Variants in CRPPA observed in about 807,000 individuals in gnomAD.
The protein encoded by CRPPA is D-ribitol-5-phosphate cytidylyltransferase.
CRPPA carries 43 observed loss-of-function variants against 52.0 expected under a neutral mutation model. The ratio of observed to expected loss-of-function variants is 0.83; its 90% CI spans 0.65 to 1.07. The LOEUF is 1.07. Ranked by LOEUF, CRPPA falls within the 50% of genes least tolerant of loss-of-function variation. The pLI is 0.00. For missense variants in CRPPA, 629 were observed against 551.7 expected (o/e 1.14, Z -1.40); for synonymous variants, 250 against 203.5 (o/e 1.23, Z -1.94).
intron 3 of CRPPA, among the ~76,000 whole-genome samples, chr7:16,330,234 A>C (rs375072004): frequency 6.6e-6 from 1 of 152,364 alleles, no homozygotes; most frequent in East Asian, 1.9e-4. Flanking sequence ...TGAACACTTC[A>C]TTGTTATCCA....
At chr7:16,283,075 G>T (rs532797801) in intron 5 of CRPPA, among the ~76,000 whole-genome samples, 1 of 152,032 alleles carries the variant, frequency 6.6e-6, no homozygotes, top group South Asian at 2.1e-4. Context: ...GTCCAAAAGT[G>T]ATTCTGATGT....
At chr7:16,135,232 G>A (rs1339348466) in intron 9 of CRPPA, among the ~76,000 whole-genome samples, 1 of 152,146 alleles carries the variant, frequency 6.6e-6, no homozygotes, top group Non-Finnish European at 1.5e-5. Flanking sequence ...AAAATGCATA[G>A]CCAGAAGGTT....
chr7:16,401,391 G>T (rs1188449600), intron 2 of CRPPA, among the ~76,000 whole-genome samples: 1 of 152,184 alleles, frequency 6.6e-6, no homozygotes, highest in African/African-American at 2.4e-5. Context: ...GGAAAAATTA[G>T]CCAGACTGCT....
At chr7:16,361,312 A>C (rs529835401) in intron 3 of CRPPA, among the ~76,000 whole-genome samples, 1 of 152,318 alleles carries the variant, frequency 6.6e-6, no homozygotes, top group Non-Finnish European at 1.5e-5. Context: ...AAATCCTCAA[A>C]CAATTCAAAG....
chr7:16,240,566 T>TACACAAAC, intron 8 of CRPPA, among the ~76,000 whole-genome samples: 1 of 80,228 alleles, frequency 1.2e-5, no homozygotes, highest in East Asian at 3.3e-4. Flanking sequence ...CATTGGTTAT[T>TACACAAAC]ACACATACAC....
At chr7:16,342,356 G>C (rs1031222751) in intron 3 of CRPPA, among the ~76,000 whole-genome samples, 2 of 151,920 alleles carry the variant, frequency 1.3e-5, no homozygotes, top group Non-Finnish European at 2.9e-5. Flanking sequence ...AAAATGACAT[G>C]GGAGAAAATA....
chr7:16,177,847 G>A (rs552232531), intron 9 of CRPPA, among the ~76,000 whole-genome samples: 1 of 152,040 alleles, frequency 6.6e-6, no homozygotes, highest in East Asian at 1.9e-4. Context: ...GCCACCAAAT[G>A]GATGGCTATT....
intron 3 of CRPPA, among the ~76,000 whole-genome samples, chr7:16,332,476 G>A (rs993462392): frequency 6.6e-6 from 1 of 152,126 alleles, no homozygotes; most frequent in African/African-American, 2.4e-5. Flanking sequence ...GCTTATCTAT[G>A]CTTATGTATA....
chr7:16,144,392 C>A (rs1181307913), intron 9 of CRPPA, among the ~76,000 whole-genome samples: 4 of 152,170 alleles, frequency 2.6e-5, no homozygotes, highest in African/African-American at 7.2e-5. Flanking sequence ...CCCAAGGGAG[C>A]TGGGAGAAGT....
intron 1 of CRPPA, among the ~76,000 whole-genome samples, chr7:16,418,420 T>G (rs1363810614): frequency 2.0e-5 from 3 of 152,200 alleles, no homozygotes; most frequent in Non-Finnish European, 4.4e-5. Context: ...CCTTTAAAAG[T>G]GAGTGTATTA....
chr7:16,139,067 G>A (rs1427274426), intron 9 of CRPPA, among the ~76,000 whole-genome samples: 1 of 152,098 alleles, frequency 6.6e-6, no homozygotes, highest in East Asian at 1.9e-4. Flanking sequence ...CTCCCAAAGT[G>A]CTGGGATTAC....
chr7:16,148,992 AC>A (rs1279704759), intron 9 of CRPPA, among the ~76,000 whole-genome samples: 3 of 152,208 alleles, frequency 2.0e-5, no homozygotes, highest in Non-Finnish European at 2.9e-5. Flanking sequence ...ACAAAAACTT[AC>A]AAAAAATATG....
chr7:16,162,252 C>T (rs1780915402), intron 9 of CRPPA, among the ~76,000 whole-genome samples: 1 of 152,134 alleles, frequency 6.6e-6, no homozygotes, highest in African/African-American at 2.4e-5. Context: ...TTCTCTAGTT[C>T]TTTTAATTGT....
chr7:16,324,079 A>C (rs891842341), intron 3 of CRPPA, among the ~76,000 whole-genome samples: 1 of 152,202 alleles, frequency 6.6e-6, no homozygotes, highest in East Asian at 1.9e-4. Context: ...CATGACCACA[A>C]AATGAAACAC....
chr7:16,331,996 C>A (rs552401918), intron 3 of CRPPA, among the ~76,000 whole-genome samples: 17 of 152,226 alleles, frequency 1.1e-4, no homozygotes, highest in African/African-American at 4.1e-4. Context: ...TCAGTGAACA[C>A]CAAGCAAGGT....
At chr7:16,153,348 G>C (rs918858575) in intron 9 of CRPPA, among the ~76,000 whole-genome samples, 1 of 151,892 alleles carries the variant, frequency 6.6e-6, no homozygotes, top group Admixed American at 6.6e-5. Context: ...CAGCTCATGA[G>C]CTAATAACTT....
chr7:16,216,861 G>C (rs910069403), intron 8 of CRPPA, among the ~76,000 whole-genome samples: 1 of 152,178 alleles, frequency 6.6e-6, no homozygotes, highest in African/African-American at 2.4e-5. Context: ...GCGAGGCCGG[G>C]GGAGGGGCGC....
chr7:16,095,874 A>C (rs924379661), intron 9 of CRPPA, among the ~76,000 whole-genome samples: 16 of 152,198 alleles, frequency 1.1e-4, no homozygotes, highest in African/African-American at 3.9e-4. Flanking sequence ...CTAACTGTGC[A>C]TGCCCAAGGA....
intron 6 of CRPPA, among the ~76,000 whole-genome samples, chr7:16,271,065 C>T (rs756154488): frequency 5.9e-5 from 9 of 151,898 alleles, no homozygotes; most frequent in Admixed American, 1.3e-4. Context: ...ATGCTTTACA[C>T]GTGATTTTCA....
Sources: allele counts gnomAD v4.1 joint callset (sites outside exome capture counted in the v4.1 genomes callset), GRCh38; gene constraint gnomAD v4.1.1; transcripts MANE v1.5; gene names NCBI Gene and HGNC (gene_info 2026-07-23, HGNC 2026-07-21).